The following HPSE variants were observed in gnomAD, a reference collection of about 807,000 sequenced individuals.
The protein encoded by HPSE is heparanase, also known as endo-glucoronidase.
A neutral mutation model predicts 65.1 loss-of-function variants in HPSE; 48 were observed. The observed-to-expected ratio is 0.74, with a 90% CI of 0.58 to 0.94. HPSE has a LOEUF of 0.94. Among genes scored for constraint, HPSE ranks in the 40% least tolerant of loss-of-function variants. HPSE has a pLI of 0.00. For synonymous variants in HPSE, 243 were observed against 260.0 expected, an observed-to-expected ratio of 0.93 and a Z score of 0.63; for missense variants, 644 against 637.5, an observed-to-expected ratio of 1.01 and a Z score of -0.11.
intron 1 of HPSE, among the ~76,000 whole-genome samples, chr4:83,327,257 C>T (rs1434863150): frequency 1.3e-5 from 2 of 152,134 alleles, no homozygotes; most frequent in Non-Finnish European, 2.9e-5. Flanking sequence ...CTTTCCTGAA[C>T]AAAATGAAAA....
At chr4:83,314,692 A>C (rs1736558909) in intron 3 of HPSE, among the ~76,000 whole-genome samples, 1 of 152,144 alleles carries the variant, frequency 6.6e-6, no homozygotes, top group African/African-American at 2.4e-5. Context: ...TTTCATGTAT[A>C]TCTATAGTCG....
Position 83,301,079 on chromosome 4 carries a change from A to C in HPSE, c.1353T>G (p.Thr451=). ...CATTATGGAGGTTTATGGCATACAG[A>C]GTTAAATCTCCTTCTTTATACCTTG... ...DNPRYKEGDL[T]LYAINLHNVT... The change falls in exon 11 of 12, where the codon ACT becomes ACG. Residue 451 remains threonine, a synonymous_variant. Coordinates refer to ENST00000311412, the MANE Select transcript of HPSE (RefSeq NM_001098540.3). 6.2e-7 allele frequency: 1 copy of C among 1,601,078 alleles called. No individual in the cohort carries two copies.
chr4:83,331,514 T>C (rs1353163796), intron 1 of HPSE, among the ~76,000 whole-genome samples: 2 of 152,222 alleles, frequency 1.3e-5, no homozygotes, highest in East Asian at 1.9e-4. Flanking sequence ...GGGCTCTCTT[T>C]GGAGTTCTGC....
At chr4:83,309,560 T>A in intron 6 of HPSE, 65 bp from the exon 7 acceptor site, 4 of 899,772 alleles carry the variant, frequency 4.4e-6, no homozygotes, top group Non-Finnish European at 7.2e-6. Flanking sequence ...TTAGGTTAAT[T>A]GCTGACCTTA....
chr4:83,309,039 CTTTGTA>C, intron 7 of HPSE, 88 bp from the exon 8 acceptor site: 1 of 975,822 alleles, frequency 1.0e-6, no homozygotes, highest in Non-Finnish European at 1.6e-6. Context: ...GCATTCAAAA[CTTTGTA>C]TTCCTAGACC....
intron 1 of HPSE, among the ~76,000 whole-genome samples, chr4:83,332,153 C>T (rs1404690962): frequency 8.5e-5 from 13 of 152,320 alleles, no homozygotes; most frequent in African/African-American, 1.7e-4. Flanking sequence ...TCTTGCCATC[C>T]CGCCCACACA....
In HPSE at chr4:83,322,304, G is replaced by A. The variant is rs1736935247; in HGVS notation, c.288C>T (p.Gly96=). 1 of 1,613,698 alleles carries A rather than the reference G, an allele frequency of 6.2e-7. No homozygotes were observed. The highest frequency in any genetic ancestry group is 8.5e-7 in the Non-Finnish European group (1 of 1,179,738). ...CGAAAATTAGGAAGTCTGTCTTGGTGCCACCAAACCTCAGGTACGCAGGAG... is the reference window on the plus strand; with the variant it reads ...CGAAAATTAGGAAGTCTGTCTTGGTACCACCAAACCTCAGGTACGCAGGAG... ...GLSPAYLRFG[G]TKTDFLIFDP... is the part of the protein sequence containing the mutation. The change falls in exon 2 of 12, where the codon GGC becomes GGT. Residue 96 remains glycine (G), a synonymous_variant. Transcript: ENST00000311412.
chr4:83,309,506 C>T lies in HPSE; in HGVS notation c.891-11G>A, dbSNP rs775875934. On this transcript the variant is annotated splice_polypyrimidine_tract_variant and intron_variant, in intron 6 of 11. Coordinates refer to ENST00000311412, the MANE Select transcript of HPSE (RefSeq NM_001098540.3). ...CCATTCAAATAGTAGCTAAATTACA[C>T]AGAAAATATTCAGAAAAAAAATAAC... is the stretch of plus-strand genomic sequence containing the variant. 1.5e-6 allele frequency: 2 copies of T among 1,332,684 alleles called. No homozygotes were observed. The highest frequency in any genetic ancestry group is 2.1e-6 in the Non-Finnish European group (2 of 938,876). 82.6% of individuals were successfully genotyped at this position (1,332,684 alleles called of 1,614,324 possible). A position where few individuals can be genotyped will look rare whatever the true frequency, so the allele number is the denominator to read the frequency against.
Position 83,319,479 on chromosome 4 carries a change from G to A in HPSE, c.374-10C>T, listed in dbSNP as rs201262621. The A allele has an allele frequency of 5.4e-5, 87 of 1,612,318 alleles. 1 individual carries two copies. In the Middle Eastern group the frequency reaches 9.9e-4, roughly 18 times the overall value. On this transcript the variant is annotated splice_polypyrimidine_tract_variant and intron_variant, in intron 2 of 11. Coordinates refer to ENST00000311412, the MANE Select transcript of HPSE (RefSeq NM_001098540.3). Reference sequence around the variant, plus strand: ...CCATATTTGCAAATATCTGCAAGTGGAAGAGATCATTTAGAAGGTCTGTTT... The same window carrying A: ...CCATATTTGCAAATATCTGCAAGTGAAAGAGATCATTTAGAAGGTCTGTTT...
intron 11 of HPSE, among the ~76,000 whole-genome samples, chr4:83,299,363 C>CAAAA (rs757562812): frequency 3.3e-5 from 3 of 90,998 alleles, no homozygotes; most frequent in African/African-American, 8.6e-5. Flanking sequence ...GACTCTGTCT[C>CAAAA]AAAAAAAAAA....
intron 11 of HPSE, among the ~76,000 whole-genome samples, chr4:83,298,435 A>G (rs4547787): frequency 0.9 from 136,675 of 151,970 alleles, 62,324 homozygotes; most frequent in East Asian, 0.99. Context: ...CCAGGAGTTC[A>G]AGACCAGCTT....
At chr4:83,327,609 G>T (rs75931755) in intron 1 of HPSE, among the ~76,000 whole-genome samples, 10,895 of 152,178 alleles carry the variant, frequency 0.072, 758 homozygotes, top group East Asian at 0.35. Flanking sequence ...AAAAAAAGGG[G>T]GCCTGCAGGT....
Position 83,322,297 on chromosome 4 carries a change from T to C in HPSE, c.295A>G (p.Thr99Ala). ...PAYLRFGGTKTDFLIFDPKKE... is the reference protein window; with the variant it reads ...PAYLRFGGTKADFLIFDPKKE... ...TTGGGATCGAAAATTAGGAAGTCTG[T>C]CTTGGTGCCACCAAACCTCAGGTAC... Residue 99 changes from threonine (T) to alanine (A), a missense_variant, in exon 2 of 12, where the codon ACA (threonine) becomes GCA (alanine). Coordinates refer to ENST00000311412, the MANE Select transcript of HPSE (RefSeq NM_001098540.3). 6 of 1,613,964 alleles carry C rather than the reference T, an allele frequency of 3.7e-6. No homozygotes were observed. Among genetic ancestry groups the C allele is most frequent in the South Asian group, 1.1e-5 (1 of 91,052 alleles).
At chr4:83,329,137 TA>T (rs1560516639) in intron 1 of HPSE, among the ~76,000 whole-genome samples, 1 of 152,014 alleles carries the variant, frequency 6.6e-6, no homozygotes, top group Non-Finnish European at 1.5e-5. Context: ...GTCTGGAAGC[TA>T]AAAAATGTTT....
intron 8 of HPSE, among the ~76,000 whole-genome samples, chr4:83,308,032 G>A (rs1205163788): frequency 6.6e-6 from 1 of 151,654 alleles, no homozygotes; most frequent in East Asian, 1.9e-4. Context: ...GGGAATCTAT[G>A]AATTATAGCT....
chr4:83,331,582 G>C (rs1737375443), intron 1 of HPSE, among the ~76,000 whole-genome samples: 2 of 152,186 alleles, frequency 1.3e-5, no homozygotes, highest in African/African-American at 4.8e-5. Flanking sequence ...CCTCTGGGAA[G>C]ACGACAAATT....
At chr4:83,318,171 C>T (rs1420516307) in intron 3 of HPSE, among the ~76,000 whole-genome samples, 1 of 151,994 alleles carries the variant, frequency 6.6e-6, no homozygotes. Context: ...TGTTAACTAA[C>T]CCAAACAAAG....
At chr4:83,332,430 T>G (rs992480509) in intron 1 of HPSE, among the ~76,000 whole-genome samples, 3 of 152,178 alleles carry the variant, frequency 2.0e-5, no homozygotes, top group Non-Finnish European at 1.5e-5. Context: ...GCAGATGGCC[T>G]CTCCAAGCGA....
At chr4:83,334,913 C>T (rs2126201037), upstream of HPSE, 2 of 1,370,082 alleles carry the variant, frequency 1.5e-6, no homozygotes, top group East Asian at 2.6e-5. Flanking sequence ...CCTCACCCCT[C>T]CCACTGCGCC....
Sources: allele counts gnomAD v4.1 joint callset (sites outside exome capture counted in the v4.1 genomes callset), GRCh38; gene constraint gnomAD v4.1.1; transcripts MANE v1.5; gene names NCBI Gene and HGNC (gene_info 2026-07-23, HGNC 2026-07-21).